Variants in SPMIP2 observed in about 807,000 individuals in gnomAD.
The protein encoded by SPMIP2 is sperm microtubule inner protein 2.
chr4:158,967,992 C>T, the SPMIP2 span, among the ~76,000 whole-genome samples: 6 of 152,090 alleles, frequency 3.9e-5, no homozygotes, highest in Non-Finnish European at 5.9e-5. Flanking sequence ...TACTATCAAG[C>T]GATTTCTTAT....
At chr4:159,024,296 T>C in the SPMIP2 span, among the ~76,000 whole-genome samples, 2 of 152,330 alleles carry the variant, frequency 1.3e-5, no homozygotes, top group South Asian at 4.1e-4. Context: ...AGGTATATTT[T>C]TCTAAAAGGT....
chr4:159,038,770 G>A, the SPMIP2 span: 1 of 152,310 alleles, frequency 6.6e-6, no homozygotes, highest in Non-Finnish European at 1.5e-5. Context: ...GCTGGAGGTT[G>A]GGGTGGGTGG....
At chr4:159,006,224 G>A in the SPMIP2 span, among the ~76,000 whole-genome samples, 3 of 152,170 alleles carry the variant, frequency 2.0e-5, no homozygotes, top group Non-Finnish European at 4.4e-5. Context: ...ATTAAGATTT[G>A]GAAAACTTGT....
chr4:158,984,227 A>ACAGATCAATGAGC, the SPMIP2 span, among the ~76,000 whole-genome samples: 1 of 7,848 alleles, frequency 1.3e-4, no homozygotes, highest in African/African-American at 2.2e-4. Context: ...TCAACATTAG[A>ACAGATCAATGAGC]CAGAAAGTTA....
At chr4:159,047,519 T>C in the SPMIP2 span, among the ~76,000 whole-genome samples, 1 of 152,254 alleles carries the variant, frequency 6.6e-6, no homozygotes, top group African/African-American at 2.4e-5. Context: ...TATCTCCTAG[T>C]GCTTATCATA....
chr4:159,007,689 C>A, the SPMIP2 span: 1 of 713,526 alleles, frequency 1.4e-6, no homozygotes, highest in Non-Finnish European at 2.4e-6. Context: ...GGTCTTGGTG[C>A]ACCAGCGAGA....
At chr4:158,970,908 A>C in the SPMIP2 span, among the ~76,000 whole-genome samples, 322 of 152,184 alleles carry the variant, frequency 2.1e-3, 2 homozygotes, top group Middle Eastern at 0.031. Context: ...TGGGGAAGAA[A>C]ATCACTGTGT....
At chr4:158,908,736 G>T in the SPMIP2 span, among the ~76,000 whole-genome samples, 1 of 152,150 alleles carries the variant, frequency 6.6e-6, no homozygotes, top group Admixed American at 6.5e-5. Context: ...GCCCAAGCTG[G>T]AGTGCAATGG....
chr4:158,972,945 C>A, the SPMIP2 span: 1 of 640,816 alleles, frequency 1.6e-6, no homozygotes, highest in South Asian at 2.1e-5. Context: ...ACACATGTGT[C>A]TTTCTGCAAA....
At chr4:158,902,659 CCTTT>C in the SPMIP2 span, among the ~76,000 whole-genome samples, 9 of 152,236 alleles carry the variant, frequency 5.9e-5, no homozygotes, top group Admixed American at 2.0e-4. Flanking sequence ...GGGGCTGCTG[CCTTT>C]TTTTCAGAGA....
the SPMIP2 span, among the ~76,000 whole-genome samples, chr4:159,065,341 G>GA: frequency 6.6e-6 from 1 of 152,168 alleles, no homozygotes; most frequent in South Asian, 2.1e-4. Context: ...ATACCATAAG[G>GA]AAGAGTACCT....
the SPMIP2 span, among the ~76,000 whole-genome samples, chr4:159,033,688 G>A: frequency 6.6e-6 from 1 of 152,176 alleles, no homozygotes. Flanking sequence ...GTAAAAAAGA[G>A]GTAAGAGTGA....
the SPMIP2 span, among the ~76,000 whole-genome samples, chr4:158,980,473 G>A: frequency 7.4e-4 from 113 of 152,314 alleles, no homozygotes; most frequent in Non-Finnish European, 1.2e-3. Flanking sequence ...GGCATCTGGC[G>A]GGTGCCCCTC....
chr4:159,048,231 G>T, the SPMIP2 span, among the ~76,000 whole-genome samples: 1 of 152,184 alleles, frequency 6.6e-6, no homozygotes, highest in African/African-American at 2.4e-5. Context: ...AGCACAAAAG[G>T]GGGTGGGGTA....
chr4:159,020,886 C>T, the SPMIP2 span, among the ~76,000 whole-genome samples: 1 of 152,098 alleles, frequency 6.6e-6, no homozygotes, highest in Non-Finnish European at 1.5e-5. Context: ...CTCAGCCTCC[C>T]GAGTAGCTGG....
chr4:159,015,335 A>G, the SPMIP2 span, among the ~76,000 whole-genome samples: 2 of 152,266 alleles, frequency 1.3e-5, no homozygotes, highest in African/African-American at 2.4e-5. Flanking sequence ...CAAACCAGTC[A>G]TGTGCAGACC....
the SPMIP2 span, among the ~76,000 whole-genome samples, chr4:159,020,724 T>A: frequency 1.3e-5 from 2 of 152,212 alleles, no homozygotes; most frequent in Non-Finnish European, 2.9e-5. Context: ...TCCAAACGTT[T>A]AAGCTAAGGC....
At chr4:159,007,022 A>T in the SPMIP2 span, 1 of 421,992 alleles carries the variant, frequency 2.4e-6, no homozygotes, top group East Asian at 6.2e-5. Flanking sequence ...GTCCTGTGAA[A>T]GTTTTGATGC....
chr4:158,964,370 A>T, the SPMIP2 span, among the ~76,000 whole-genome samples: 1 of 152,062 alleles, frequency 6.6e-6, no homozygotes, highest in Non-Finnish European at 1.5e-5. Context: ...ATGACTTCAC[A>T]GCCGTAGTTA....
Sources: allele counts gnomAD v4.1 joint callset (sites outside exome capture counted in the v4.1 genomes callset), GRCh38; gene constraint gnomAD v4.1.1; transcripts MANE v1.5; gene names NCBI Gene and HGNC (gene_info 2026-07-23, HGNC 2026-07-21).